Variants in ARMC9 observed in about 807,000 individuals in gnomAD.
ARMC9 encodes lisH domain-containing protein ARMC9.
Under a neutral mutation model 107.0 loss-of-function variants are expected in ARMC9, and 94 were observed. The ratio of observed to expected loss-of-function variants is 0.88; its 90% CI spans 0.74 to 1.04. The LOEUF (loss-of-function observed/expected upper bound fraction) is 1.04. Ranked by LOEUF, ARMC9 falls within the 50% of genes least tolerant of loss-of-function variation. The pLI is 0.00. For missense variants in ARMC9, 942 were observed against 1,030.1 expected, an observed-to-expected ratio of 0.91 and a Z score of 1.17; for synonymous variants, 380 against 396.9, an observed-to-expected ratio of 0.96 and a Z score of 0.51.
At chr2:231,219,318 T>G (rs1041986879) in intron 5 of ARMC9, among the ~76,000 whole-genome samples, 2 of 152,220 alleles carry the variant, frequency 1.3e-5, no homozygotes, top group African/African-American at 4.8e-5. Flanking sequence ...CTCCTCTTAT[T>G]TAAGTACATG....
intron 19 of ARMC9, among the ~76,000 whole-genome samples, chr2:231,306,488 T>A (rs990215128): frequency 6.6e-6 from 1 of 152,206 alleles, no homozygotes; most frequent in Non-Finnish European, 1.5e-5. Context: ...AATCGATACT[T>A]TTCTTAGAAT....
At chr2:231,327,593 C>T (rs1669070) in intron 19 of ARMC9, among the ~76,000 whole-genome samples, 54,053 of 152,010 alleles carry the variant, frequency 0.36, 9,972 homozygotes, top group Middle Eastern at 0.42. Context: ...AGGGCATCTA[C>T]TGTTTCCAGT....
chr2:231,292,434 A>G (rs2041078877), intron 18 of ARMC9, among the ~76,000 whole-genome samples: 1 of 152,002 alleles, frequency 6.6e-6, no homozygotes, highest in African/African-American at 2.4e-5. Flanking sequence ...TCATTTTCCC[A>G]CTTTTATTCA....
intron 8 of ARMC9, 89 bp from the exon 9 acceptor site, chr2:231,239,852 TGA>T: frequency 9.3e-7 from 1 of 1,069,656 alleles, no homozygotes; most frequent in Non-Finnish European, 1.4e-6. Flanking sequence ...AGAAAGCTGT[TGA>T]GAGACCACTC....
chr2:231,315,129 C>G (rs891470210), intron 19 of ARMC9, among the ~76,000 whole-genome samples: 1 of 150,764 alleles, frequency 6.6e-6, no homozygotes, highest in Non-Finnish European at 1.5e-5. Flanking sequence ...GTCCCAGTTA[C>G]TTGGGAGGCT....
intron 9 of ARMC9, among the ~76,000 whole-genome samples, chr2:231,252,503 G>A (rs928445650): frequency 2.0e-5 from 3 of 152,182 alleles, no homozygotes; most frequent in African/African-American, 7.2e-5. Flanking sequence ...ACCCACCTCG[G>A]CCTCCCAAAG....
In ARMC9 at chr2:231,351,352, G is replaced by A. The variant is rs918397678; in HGVS notation, c.1995-4446G>A. On this transcript the variant is annotated intron_variant, in intron 21 of 24. Coordinates refer to ENST00000611582, the MANE Select transcript of ARMC9 (RefSeq NM_001352754.2). ...ATCTGCAGCAAAGTCACTCAGCTTCGCATTCCCCACCCTGTACTCGCTCCC... is the reference window on the plus strand; with the variant it reads ...ATCTGCAGCAAAGTCACTCAGCTTCACATTCCCCACCCTGTACTCGCTCCC... Among the ~76,000 whole-genome samples, 4 of 151,954 alleles carry A rather than the reference G, an allele frequency of 2.6e-5. No individual in the cohort carries two copies. The South Asian group carries it at 6.3e-4, about 24-fold the overall frequency.
chr2:231,263,472 A>G (rs889676675), intron 12 of ARMC9, among the ~76,000 whole-genome samples: 2 of 152,234 alleles, frequency 1.3e-5, no homozygotes, highest in Admixed American at 1.3e-4. Flanking sequence ...TCTTTTTATC[A>G]GGAGCCTACT....
At chr2:231,340,151 G>A (rs1312921570) in intron 20 of ARMC9, among the ~76,000 whole-genome samples, 1 of 152,222 alleles carries the variant, frequency 6.6e-6, no homozygotes, top group African/African-American at 2.4e-5. Flanking sequence ...GTTGAACAAA[G>A]AGAGGCAATG....
chr2:231,341,453 CT>C (rs1335418382), intron 20 of ARMC9, among the ~76,000 whole-genome samples: 1 of 152,206 alleles, frequency 6.6e-6, no homozygotes, highest in Non-Finnish European at 1.5e-5. Flanking sequence ...CCTATGGCCC[CT>C]AGCTGCACGG....
intron 19 of ARMC9, among the ~76,000 whole-genome samples, chr2:231,304,301 A>G (rs1226373489): frequency 2.6e-5 from 4 of 152,218 alleles, no homozygotes; most frequent in African/African-American, 4.8e-5. Flanking sequence ...TGCCTGTTTC[A>G]TATTTTCAAT....
rs572972623 is a variant in ARMC9, at chr2:231,271,321, G to C, written c.1210+249G>C. Among the ~76,000 whole-genome samples the C allele has an allele frequency of 1.1e-4, 16 of 152,210 alleles. No individual in the cohort carries two copies. The South Asian group carries it at 1.2e-3, about 12-fold the overall frequency. The stretch of plus-strand genomic sequence containing the variant: ...CGGTTTTATTTTATAAAGCTTTCTG[G>C]TTTTGTAACATAGTAACATTTTATA... On this transcript the variant is annotated intron_variant, in intron 13 of 24. Transcript: ENST00000611582.
rs1234274498 is a variant in ARMC9, at chr2:231,358,712, G to A, written c.2132-2042G>A. On this transcript the variant is annotated intron_variant, in intron 22 of 24. Coordinates refer to ENST00000611582, the MANE Select transcript of ARMC9 (RefSeq NM_001352754.2). This position sits in a 1 kb window ranked among gnomAD's most constrained non-coding sequence, Gnocchi z 4.5. ...AGTCAGCACCGCAGGGAAAACTCAT[G>A]AGGAGGAACCTGTTGGACCCTCAAA... Among the ~76,000 whole-genome samples, 3 of 152,244 alleles carry A rather than the reference G, an allele frequency of 2.0e-5. No individual in the cohort carries two copies. Among genetic ancestry groups the A allele is most frequent in the Non-Finnish European group, 4.4e-5 (3 of 68,042 alleles).
intron 7 of ARMC9, among the ~76,000 whole-genome samples, chr2:231,233,233 A>G (rs1277460493): frequency 6.6e-6 from 1 of 152,246 alleles, no homozygotes; most frequent in Non-Finnish European, 1.5e-5. Flanking sequence ...TTGAAATACA[A>G]TTTGAATGTA....
rs191598789 is a variant in ARMC9, at chr2:231,240,190, A to T, written c.879+149A>T. 6.8e-6 allele frequency: 5 copies of T among 733,878 alleles called. No individual in the cohort carries two copies. In the African/African-American group the frequency reaches 8.9e-5, roughly 13 times the overall value. 45.5% of individuals were successfully genotyped at this position (733,878 alleles called of 1,614,324 possible). On this transcript the variant is annotated intron_variant, in intron 9 of 24. Coordinates refer to ENST00000611582, the MANE Select transcript of ARMC9 (RefSeq NM_001352754.2). ...GTCTAGAAACTCCTAGAAGGAAAAT[A>T]AATCTGTTTTTGAAGAGGGTACAGC... is the stretch of plus-strand genomic sequence containing the variant.
At chr2:231,311,282 G>A (rs1381923886) in intron 19 of ARMC9, among the ~76,000 whole-genome samples, 2 of 152,242 alleles carry the variant, frequency 1.3e-5, no homozygotes, top group African/African-American at 2.4e-5. Flanking sequence ...CTCTTTCCTG[G>A]TGGAGTCATT....
intron 17 of ARMC9, among the ~76,000 whole-genome samples, chr2:231,288,496 A>G (rs2040760966): frequency 6.6e-6 from 1 of 152,228 alleles, no homozygotes. Context: ...GAAGACCTTT[A>G]GTGATAGAGG....
intron 20 of ARMC9, among the ~76,000 whole-genome samples, chr2:231,335,291 A>G (rs1026348378): frequency 1.3e-5 from 2 of 152,202 alleles, no homozygotes; most frequent in South Asian, 2.1e-4. Context: ...GCCCTACCCT[A>G]TACCTCCTGA....
chr2:231,354,505 T>G (rs185107605), intron 21 of ARMC9, among the ~76,000 whole-genome samples: 26 of 151,680 alleles, frequency 1.7e-4, no homozygotes, highest in African/African-American at 6.3e-4. Flanking sequence ...CCTCAGCCTC[T>G]TGAGTAGCTG....
Sources: gnomAD v4.1 joint callset for allele counts (sites outside exome capture counted in the v4.1 genomes callset) on GRCh38, gnomAD v4.1.1 for gene constraint, Gnocchi (gnomAD v3.1) non-coding constraint, MANE v1.5 for transcripts, NCBI Gene and HGNC (gene_info 2026-07-23, HGNC 2026-07-21) for gene names.